The following CAMK2D variants were observed in gnomAD, a reference collection of about 807,000 sequenced individuals.
CAMK2D encodes the protein calcium/calmodulin-dependent protein kinase type II subunit delta.
Under a neutral mutation model 84.0 loss-of-function variants are expected in CAMK2D, and 37 were observed. The observed-to-expected ratio is 0.44, with a 90% CI of 0.34 to 0.58. CAMK2D has a LOEUF of 0.58. Among genes scored for constraint, CAMK2D ranks in the 20% least tolerant of loss-of-function variants. The pLI, the probability that CAMK2D is intolerant of heterozygous loss-of-function variation, is 0.02. For synonymous variants in CAMK2D, 202 were observed against 212.5 expected, an observed-to-expected ratio of 0.95 and a Z score of 0.43; for missense variants, 448 against 652.5, an observed-to-expected ratio of 0.69 and a Z score of 3.41.
At chr4:113,514,941 G>A (rs991355061) in intron 10 of CAMK2D, 128 bp downstream of exon 10, 9 of 883,088 alleles carry the variant, frequency 1.0e-5, no homozygotes, top group South Asian at 6.2e-5. Context: ...TAAACACCTC[G>A]AGTCAAAAAT....
intron 3 of CAMK2D, among the ~76,000 whole-genome samples, chr4:113,646,874 A>G (rs1050830311): frequency 6.6e-6 from 1 of 152,226 alleles, no homozygotes; most frequent in Non-Finnish European, 1.5e-5. Flanking sequence ...TAAATCGGAT[A>G]TTGTCACTTC....
chr4:113,522,899 T>C (rs1387125807), intron 8 of CAMK2D, among the ~76,000 whole-genome samples: 1 of 152,196 alleles, frequency 6.6e-6, no homozygotes, highest in Admixed American at 6.5e-5. Context: ...AATTCATATG[T>C]TGACATCCAA....
intron 2 of CAMK2D, among the ~76,000 whole-genome samples, chr4:113,689,521 C>A (rs932528338): frequency 6.6e-6 from 1 of 152,152 alleles, no homozygotes; most frequent in Non-Finnish European, 1.5e-5. Flanking sequence ...TCTACTTTCC[C>A]TTTTGTTCAT....
chr4:113,482,998 C>T (rs1331779716), intron 16 of CAMK2D, among the ~76,000 whole-genome samples: 3 of 152,204 alleles, frequency 2.0e-5, no homozygotes, highest in Admixed American at 2.0e-4. Context: ...AAAAATGTTA[C>T]GCTATTCCAT....
intron 4 of CAMK2D, among the ~76,000 whole-genome samples, chr4:113,593,829 G>T (rs2098907321): frequency 6.6e-6 from 1 of 151,980 alleles, no homozygotes; most frequent in African/African-American, 2.4e-5. Flanking sequence ...TGAAAAGACT[G>T]AGATCTAAAT....
At chr4:113,490,874 A>C (rs2154138268) in intron 16 of CAMK2D, among the ~76,000 whole-genome samples, 1 of 86,660 alleles carries the variant, frequency 1.2e-5, no homozygotes, top group East Asian at 2.4e-4. Flanking sequence ...TGTAAGTTGG[A>C]TTCCTAGGTA....
At chr4:113,530,337 T>TA (rs1400144501) in intron 8 of CAMK2D, among the ~76,000 whole-genome samples, 2 of 152,192 alleles carry the variant, frequency 1.3e-5, no homozygotes, top group Non-Finnish European at 2.9e-5. Context: ...TAGCATAAGA[T>TA]AAAGTTTGGA....
intron 3 of CAMK2D, among the ~76,000 whole-genome samples, chr4:113,621,158 T>A (rs943952440): frequency 6.6e-6 from 1 of 152,156 alleles, no homozygotes; most frequent in Non-Finnish European, 1.5e-5. Flanking sequence ...TGTTTATGCA[T>A]ATGTCCTGTA....
chr4:113,595,275 A>G (rs1223585306), intron 4 of CAMK2D, among the ~76,000 whole-genome samples: 1 of 152,212 alleles, frequency 6.6e-6, no homozygotes, highest in Non-Finnish European at 1.5e-5. Flanking sequence ...AGTTTTCAGG[A>G]GAAGAAAAAT....
Position 113,759,229 on chromosome 4 carries a change from T to A in CAMK2D, c.160+91A>T, listed in dbSNP as rs1485568774. 1.9e-5 allele frequency: 14 copies of A among 727,920 alleles called. No individual in the cohort carries two copies. In the Admixed American group the frequency reaches 3.3e-4, roughly 17 times the overall value. 45.1% of individuals were successfully genotyped at this position (727,920 alleles called of 1,614,324 possible). ...ATGATACCTAAGTCTAAAGTTCAGT[T>A]ATAACTACATGATATATTTACATAC... On this transcript the variant is annotated intron_variant, in intron 2 of 20. Transcript: ENST00000511664.
chr4:113,562,462 C>T (rs1189051840), intron 4 of CAMK2D, among the ~76,000 whole-genome samples: 2 of 152,124 alleles, frequency 1.3e-5, no homozygotes, highest in Non-Finnish European at 1.5e-5. Flanking sequence ...TTGTGTGTTA[C>T]TTATACTACA....
chr4:113,577,470 C>G (rs1006577218), intron 4 of CAMK2D, among the ~76,000 whole-genome samples: 1 of 152,164 alleles, frequency 6.6e-6, no homozygotes, highest in African/African-American at 2.4e-5. Context: ...CCTCCTTCAT[C>G]CACATACACT....
intron 8 of CAMK2D, among the ~76,000 whole-genome samples, chr4:113,523,666 G>A (rs775497864): frequency 9.2e-5 from 14 of 151,974 alleles, no homozygotes; most frequent in Admixed American, 2.6e-4. Context: ...CCACTACAGG[G>A]GAGGCTAAGG....
At chr4:113,728,446 A>C (rs2099552675) in intron 2 of CAMK2D, among the ~76,000 whole-genome samples, 1 of 152,210 alleles carries the variant, frequency 6.6e-6, no homozygotes, top group African/African-American at 2.4e-5. Context: ...AGTAGTCTGT[A>C]GAGTGGGAGG....
chr4:113,566,382 A>G (rs79229264), intron 4 of CAMK2D, among the ~76,000 whole-genome samples: 3 of 152,248 alleles, frequency 2.0e-5, no homozygotes, highest in East Asian at 3.9e-4. Context: ...TGCCCAAATC[A>G]TTGTCATTTT....
At chr4:113,716,385 C>T (rs556601591) in intron 2 of CAMK2D, among the ~76,000 whole-genome samples, 1 of 152,258 alleles carries the variant, frequency 6.6e-6, no homozygotes, top group East Asian at 1.9e-4. Flanking sequence ...CATGGTGGCT[C>T]ACACCTGAAA....
At chr4:113,511,513 T>C (rs77713201) in intron 12 of CAMK2D, among the ~76,000 whole-genome samples, 376 of 152,260 alleles carry the variant, frequency 2.5e-3, no homozygotes, top group Non-Finnish European at 4.5e-3. Context: ...GTTTTAAATG[T>C]GAAGATTTTT....
At chr4:113,662,900 G>A (rs2099240487) in intron 2 of CAMK2D, among the ~76,000 whole-genome samples, 1 of 152,162 alleles carries the variant, frequency 6.6e-6, no homozygotes, top group Non-Finnish European at 1.5e-5. Context: ...ATAATGAACT[G>A]TTGTATATAA....
At chr4:113,565,030 A>G (rs947704361) in intron 4 of CAMK2D, among the ~76,000 whole-genome samples, 2 of 152,244 alleles carry the variant, frequency 1.3e-5, no homozygotes, top group African/African-American at 4.8e-5. Flanking sequence ...TGAAACATCA[A>G]ATGAAAGCAG....
Sources: gnomAD v4.1 joint callset for allele counts (sites outside exome capture counted in the v4.1 genomes callset) on GRCh38, gnomAD v4.1.1 for gene constraint, MANE v1.5 for transcripts, NCBI Gene and HGNC (gene_info 2026-07-23, HGNC 2026-07-21) for gene names.